Variants in MRTFB observed in about 807,000 individuals in gnomAD.
MRTFB encodes the protein myocardin-related transcription factor B.
In MRTFB, 29 loss-of-function variants were observed where a neutral mutation model predicts 104.2. That is an observed-to-expected ratio of 0.28 (90% CI 0.21 to 0.38). The LOEUF is 0.38. MRTFB is among the 10% of genes least tolerant of loss of function. The pLI is 1.00. For missense variants in MRTFB, 1,270 were observed against 1,341.6 expected (o/e 0.95, Z 0.83); for synonymous variants, 535 against 519.5 (o/e 1.03, Z -0.41).
intron 8 of MRTFB, among the ~76,000 whole-genome samples, chr16:14,226,444 G>A (rs367921519): frequency 2.0e-5 from 3 of 152,100 alleles, no homozygotes; most frequent in African/African-American, 4.8e-5. Context: ...GGATAGTCTC[G>A]TCAACAAATG....
At chr16:14,130,916 A>C (rs1157553802) in intron 2 of MRTFB, among the ~76,000 whole-genome samples, 1 of 152,112 alleles carries the variant, frequency 6.6e-6, no homozygotes, top group Admixed American at 6.5e-5. Flanking sequence ...ACTAACTATC[A>C]CAAGAACGGC....
chr16:14,072,109 G>A (rs1415424297), intron 1 of MRTFB, among the ~76,000 whole-genome samples: 1 of 152,152 alleles, frequency 6.6e-6, no homozygotes, highest in African/African-American at 2.4e-5. Context: ...TTAGGCAAAG[G>A]AAACTCTTCT....
rs951293337 is a variant in MRTFB at position 14,195,569 on chromosome 16, A to G, written c.155-14674A>G. 8 of 985,330 alleles carry G rather than the reference A, an allele frequency of 8.1e-6. No individual in the cohort carries two copies. In the Admixed American group the frequency reaches 1.8e-4, roughly 23 times the overall value. The allele number at this position is 985,330 out of a possible 1,614,324, so 61.0% of individuals were successfully genotyped here. A position where few individuals can be genotyped will look rare whatever the true frequency, so the allele number is the denominator to read the frequency against. Reference sequence around the variant, plus strand: ...GATCATCTGACTTCAACAGAGTAGCATGTGCTTACTATTCTGGGAAAAATT... The same window carrying G: ...GATCATCTGACTTCAACAGAGTAGCGTGTGCTTACTATTCTGGGAAAAATT... On this transcript the variant is annotated intron_variant, in intron 3 of 16. Transcript: ENST00000571589.
chr16:14,097,694 C>T (rs1217008536), intron 2 of MRTFB, among the ~76,000 whole-genome samples: 2 of 152,174 alleles, frequency 1.3e-5, no homozygotes, highest in African/African-American at 4.8e-5. Context: ...ATCCATCACC[C>T]CCCAAAATTT....
chr16:14,159,224 T>C (rs1326244536), intron 3 of MRTFB, among the ~76,000 whole-genome samples: 3 of 152,186 alleles, frequency 2.0e-5, no homozygotes, highest in Admixed American at 2.0e-4. Context: ...TCAGAAAATG[T>C]TGCCATGCTA....
At chr16:14,257,469 C>T (rs572006622) in intron 15 of MRTFB, among the ~76,000 whole-genome samples, 5 of 152,020 alleles carry the variant, frequency 3.3e-5, no homozygotes, top group African/African-American at 7.2e-5. Context: ...AATAATTATG[C>T]TGGGTGAAAG....
At chr16:14,163,408 C>G (rs2039114433) in intron 3 of MRTFB, among the ~76,000 whole-genome samples, 2 of 152,190 alleles carry the variant, frequency 1.3e-5, no homozygotes, top group African/African-American at 4.8e-5. Context: ...AATATTGTAG[C>G]ATTGTCCTAT....
intron 3 of MRTFB, among the ~76,000 whole-genome samples, chr16:14,161,784 G>C (rs568491586): frequency 6.6e-6 from 1 of 152,200 alleles, no homozygotes; most frequent in African/African-American, 2.4e-5. Context: ...CTTCACAAAA[G>C]AGGATATCCA....
the MRTFB span, among the ~76,000 whole-genome samples, chr16:14,058,712 G>GTTTTT: frequency 4.2e-3 from 364 of 86,842 alleles, 1 homozygote; most frequent in Non-Finnish European, 5.0e-3. Context: ...ATTTGTATTT[G>GTTTTT]TTTTTTTTTT....
Position 14,234,150 on chromosome 16 carries a change from C to A in MRTFB, c.698C>A (p.Ala233Asp). The A allele has an allele frequency of 1.9e-6, 3 of 1,613,008 alleles. No homozygotes were observed. Among genetic ancestry groups the A allele is most frequent in the South Asian group, 1.1e-5 (1 of 90,958 alleles). The change falls in exon 9 of 17, where the codon GCT becomes GAT. Residue 233 changes from alanine (A) to aspartate (D), a missense_variant. Around this residue, in one of 3 missense-constraint regions of MRTFB, gnomAD observed 1,144 missense variants for 1,131.5 expected, o/e 1.01. Transcript: ENST00000571589. ...CCTTTTTGCCTTTTCCACCAGTTTGCTTCAGTGTCCCCAACAGTTCCTGAA... is the reference window on the plus strand; with the variant it reads ...CCTTTTTGCCTTTTCCACCAGTTTGATTCAGTGTCCCCAACAGTTCCTGAA... ...PVTTNTPAQF[A>D]SVSPTVPEFL...
At chr16:14,179,778 T>C (rs1240144251) in intron 3 of MRTFB, among the ~76,000 whole-genome samples, 1 of 152,210 alleles carries the variant, frequency 6.6e-6, no homozygotes. Flanking sequence ...CTGAAGTCGA[T>C]GAATAGAAAG....
At chr16:14,123,976 TC>T (rs1333815378) in intron 2 of MRTFB, among the ~76,000 whole-genome samples, 1 of 152,332 alleles carries the variant, frequency 6.6e-6, no homozygotes, top group Admixed American at 6.5e-5. Context: ...CTTGAAGAGA[TC>T]CCTCACATCC....
At chr16:14,061,150 A>G in the MRTFB span, among the ~76,000 whole-genome samples, 4 of 152,108 alleles carry the variant, frequency 2.6e-5, no homozygotes, top group Non-Finnish European at 4.4e-5. Flanking sequence ...CGTCTCAAAA[A>G]AAAAACAAAA....
intron 3 of MRTFB, among the ~76,000 whole-genome samples, chr16:14,157,650 C>G (rs1033545179): frequency 1.3e-5 from 2 of 152,130 alleles, no homozygotes; most frequent in African/African-American, 4.8e-5. Flanking sequence ...AAACTGGCCA[C>G]AGAGATGGAG....
chr16:14,239,498 A>G (rs939819732), intron 9 of MRTFB, among the ~76,000 whole-genome samples: 1 of 152,248 alleles, frequency 6.6e-6, no homozygotes, highest in Non-Finnish European at 1.5e-5. Flanking sequence ...AAGCTTAGCA[A>G]TACTTTCGTA....
At chr16:14,073,495 C>G (rs1003731453) in intron 1 of MRTFB, among the ~76,000 whole-genome samples, 4 of 152,158 alleles carry the variant, frequency 2.6e-5, no homozygotes, top group African/African-American at 9.7e-5. Context: ...TTTTTTCTTT[C>G]TTTCAGAAGT....
chr16:14,175,729 T>A (rs1055108739), intron 3 of MRTFB, among the ~76,000 whole-genome samples: 3 of 152,170 alleles, frequency 2.0e-5, no homozygotes, highest in African/African-American at 7.2e-5. Flanking sequence ...ATCAAACAGA[T>A]GAATGGATAA....
chr16:14,126,451 T>G (rs1033708940), intron 2 of MRTFB, among the ~76,000 whole-genome samples: 1 of 152,164 alleles, frequency 6.6e-6, no homozygotes, highest in Non-Finnish European at 1.5e-5. Flanking sequence ...TAAACTTTTT[T>G]TATTTGGAAG....
intron 2 of MRTFB, among the ~76,000 whole-genome samples, chr16:14,127,923 ATATATATTTTTTTT>A (rs1323435676): frequency 2.6e-5 from 1 of 39,186 alleles, no homozygotes; most frequent in East Asian, 7.6e-4. Context: ...ATATATATAT[ATATATATTTTTTTT>A]TTTTTTTTTT....
Sources: allele counts gnomAD v4.1 joint callset (sites outside exome capture counted in the v4.1 genomes callset), GRCh38; gene constraint gnomAD v4.1.1; regional missense constraint gnomAD v4.1.1; transcripts MANE v1.5; gene names NCBI Gene and HGNC (gene_info 2026-07-23, HGNC 2026-07-21).